MYO1D: variants seen among roughly 807,000 people sequenced by gnomAD.
The protein encoded by MYO1D is unconventional myosin-Id.
Under a neutral mutation model 122.0 loss-of-function variants are expected in MYO1D, and 83 were observed. The observed-to-expected ratio is 0.68, with a 90% CI of 0.57 to 0.82. The LOEUF (loss-of-function observed/expected upper bound fraction) is 0.82. Ranked by LOEUF, MYO1D falls within the 40% of genes least tolerant of loss-of-function variation. MYO1D has a pLI of 0.00. For missense variants in MYO1D, 1,157 were observed against 1,269.5 expected, an observed-to-expected ratio of 0.91 and a Z score of 1.35; for synonymous variants, 464 against 446.9, an observed-to-expected ratio of 1.04 and a Z score of -0.48.
chr17:32,712,013 A>G lies in MYO1D; in HGVS notation c.2096T>C (p.Ile699Thr), dbSNP rs750165127. 9 of 1,614,106 alleles carry G rather than the reference A, an allele frequency of 5.6e-6. No homozygotes were observed. The South Asian group carries it at 8.8e-5, about 16-fold the overall frequency. ...TLEELRAQML[I>T]RIVLFLQKVW... is the part of the protein sequence containing the mutation. Reference sequence around the variant, plus strand: ...CTTTTGTAGAAAGAGGACAATCCTTATGAGCATCTGGGCACGGAGTTCTTC... The same window carrying G: ...CTTTTGTAGAAAGAGGACAATCCTTGTGAGCATCTGGGCACGGAGTTCTTC... The change falls in exon 16 of 22, where the codon ATA becomes ACA. Residue 699 changes from isoleucine to threonine, a missense_variant. Transcript: ENST00000318217.
At chr17:32,711,618 C>T (rs1227398283) in intron 16 of MYO1D, among the ~76,000 whole-genome samples, 5 of 151,438 alleles carry the variant, frequency 3.3e-5, no homozygotes, top group Admixed American at 2.0e-4. Context: ...TGCACTCCAG[C>T]CTAGGTGACA....
chr17:32,603,760 C>T (rs1356482670), intron 21 of MYO1D, among the ~76,000 whole-genome samples: 2 of 151,976 alleles, frequency 1.3e-5, no homozygotes, highest in Non-Finnish European at 2.9e-5. Flanking sequence ...CTGCTGACCT[C>T]GTGATCCGCC....
At chr17:32,600,953 CTT>C (rs59778193) in intron 21 of MYO1D, among the ~76,000 whole-genome samples, 50 of 141,554 alleles carry the variant, frequency 3.5e-4, no homozygotes, top group Non-Finnish European at 3.9e-4. Flanking sequence ...TTTCTTTTCC[CTT>C]TTTTTTTTTT....
intron 12 of MYO1D, among the ~76,000 whole-genome samples, chr17:32,748,669 C>A (rs2089865964): frequency 6.6e-6 from 1 of 152,146 alleles, no homozygotes. Flanking sequence ...GATTTATTGA[C>A]CCGCCAGCTG....
chr17:32,526,353 G>T (rs547932642), intron 21 of MYO1D, among the ~76,000 whole-genome samples: 3 of 152,158 alleles, frequency 2.0e-5, no homozygotes, highest in South Asian at 2.1e-4. Context: ...CAAATTATTT[G>T]CCCTTCAATA....
intron 16 of MYO1D, among the ~76,000 whole-genome samples, chr17:32,706,658 G>A (rs1315640315): frequency 4.6e-5 from 7 of 152,032 alleles, no homozygotes; most frequent in Non-Finnish European, 8.8e-5. Flanking sequence ...CTAGTTATTC[G>A]CCTGGGACAA....
At chr17:32,833,584 C>T in intron 1 of MYO1D, among the ~76,000 whole-genome samples, 1 of 152,198 alleles carries the variant, frequency 6.6e-6, no homozygotes, top group East Asian at 1.9e-4. Flanking sequence ...TCCAATGGCA[C>T]CCCAGGAAAA....
intron 1 of MYO1D, among the ~76,000 whole-genome samples, chr17:32,835,101 G>T (rs2090809733): frequency 6.6e-6 from 1 of 151,744 alleles, no homozygotes; most frequent in Non-Finnish European, 1.5e-5. Flanking sequence ...GCACAGTCTG[G>T]TCCCAAACAT....
At chr17:32,618,998 T>C (rs781328592) in intron 20 of MYO1D, among the ~76,000 whole-genome samples, 2 of 152,150 alleles carry the variant, frequency 1.3e-5, no homozygotes, top group Non-Finnish European at 2.9e-5. Flanking sequence ...TTGTCTTCTT[T>C]TTGTTAAAAT....
At chr17:32,737,875 A>G (rs1423311256) in intron 14 of MYO1D, among the ~76,000 whole-genome samples, 1 of 152,210 alleles carries the variant, frequency 6.6e-6, no homozygotes, top group Non-Finnish European at 1.5e-5. Context: ...CAATATATAA[A>G]TGGTACATTT....
chr17:32,709,399 A>C (rs1281564388), intron 16 of MYO1D, among the ~76,000 whole-genome samples: 2 of 152,192 alleles, frequency 1.3e-5, no homozygotes, highest in African/African-American at 4.8e-5. Context: ...TCTACCAAAA[A>C]AACCCTAAAA....
At chr17:32,832,075 A>G (rs1163920058) in intron 1 of MYO1D, among the ~76,000 whole-genome samples, 2 of 151,984 alleles carry the variant, frequency 1.3e-5, no homozygotes, top group Admixed American at 6.6e-5. Context: ...CCACGAAGCG[A>G]TACATTGTCA....
At chr17:32,589,392 A>C (rs1262520667) in intron 21 of MYO1D, among the ~76,000 whole-genome samples, 1 of 152,194 alleles carries the variant, frequency 6.6e-6, no homozygotes, top group Admixed American at 6.5e-5. Flanking sequence ...GTCTTCTCTG[A>C]TCCAAAGCCC....
At chr17:32,851,783 G>T (rs1037227551) in intron 1 of MYO1D, among the ~76,000 whole-genome samples, 6 of 152,170 alleles carry the variant, frequency 3.9e-5, no homozygotes, top group Non-Finnish European at 2.9e-5. Context: ...TCGCAATAGG[G>T]TTTGCACTCC....
chr17:32,848,011 T>TACAAG (rs952790929), intron 1 of MYO1D, among the ~76,000 whole-genome samples: 1 of 152,252 alleles, frequency 6.6e-6, no homozygotes, highest in Non-Finnish European at 1.5e-5. Flanking sequence ...ACCTGCTATG[T>TACAAG]ACAAGCTTCT....
chr17:32,694,972 A>G (rs2089153410), intron 16 of MYO1D, among the ~76,000 whole-genome samples: 1 of 152,148 alleles, frequency 6.6e-6, no homozygotes, highest in Non-Finnish European at 1.5e-5. Flanking sequence ...TCTCCTGTCC[A>G]ATAACTATCA....
At chr17:32,587,820 T>C (rs932265070) in intron 21 of MYO1D, among the ~76,000 whole-genome samples, 5 of 152,182 alleles carry the variant, frequency 3.3e-5, no homozygotes, top group African/African-American at 7.2e-5. Flanking sequence ...AGACTCTCCT[T>C]TCTTCCCTTC....
chr17:32,748,908 A>G (rs767258712), intron 12 of MYO1D, 28 bp downstream of exon 12: 50 of 1,583,932 alleles, frequency 3.2e-5, no homozygotes, highest in Non-Finnish European at 4.2e-5. Context: ...CATGCAAATC[A>G]TGGTAGGTAC....
At chr17:32,876,388 C>A (rs769366784) in intron 1 of MYO1D, among the ~76,000 whole-genome samples, 1 of 152,158 alleles carries the variant, frequency 6.6e-6, no homozygotes, top group Non-Finnish European at 1.5e-5. Context: ...TCGGGGCCAC[C>A]GCAACTCTCG....
Sources: gnomAD v4.1 joint callset for allele counts (sites outside exome capture counted in the v4.1 genomes callset) on GRCh38, gnomAD v4.1.1 for gene constraint, MANE v1.5 for transcripts, NCBI Gene and HGNC (gene_info 2026-07-23, HGNC 2026-07-21) for gene names.